The following ACSL1 variants were observed in gnomAD, a reference collection of about 807,000 sequenced individuals.
ACSL1 encodes the protein long-chain-fatty-acid--CoA ligase 1.
Under a neutral mutation model 98.4 loss-of-function variants are expected in ACSL1, and 41 were observed. The observed-to-expected ratio is 0.42, with a 90% CI of 0.32 to 0.54. ACSL1 has a LOEUF of 0.54. ACSL1 is among the 20% of genes least tolerant of loss of function. The pLI is 0.13. For synonymous variants in ACSL1, 316 were observed against 322.7 expected (o/e 0.98, Z 0.22); for missense variants, 734 against 883.1 (o/e 0.83, Z 2.14).
chr4:184,770,292 T>C (rs1218034985), intron 11 of ACSL1, 107 bp downstream of exon 11: 3 of 1,553,808 alleles, frequency 1.9e-6, no homozygotes, highest in Admixed American at 1.9e-5. Context: ...AAGTGGTAAA[T>C]ATGAAATGTG....
At chr4:184,783,059 C>T (rs1766597682) in intron 4 of ACSL1, among the ~76,000 whole-genome samples, 1 of 152,188 alleles carries the variant, frequency 6.6e-6, no homozygotes, top group Non-Finnish European at 1.5e-5. Flanking sequence ...GGGAGCCTTT[C>T]CTGGACAGCT....
chr4:184,819,627 G>A (rs1004222562), intron 1 of ACSL1, among the ~76,000 whole-genome samples: 2 of 152,010 alleles, frequency 1.3e-5, no homozygotes, highest in African/African-American at 4.8e-5. Flanking sequence ...ACCCCATGCC[G>A]CCAGAGTTTG....
At chr4:184,765,257 C>T (rs1763415240) in intron 14 of ACSL1, among the ~76,000 whole-genome samples, 1 of 152,232 alleles carries the variant, frequency 6.6e-6, no homozygotes, top group East Asian at 1.9e-4. Context: ...ATCCTCCTTT[C>T]TCCCTTTACT....
intron 1 of ACSL1, chr4:184,821,153 G>A: frequency 2.2e-6 from 1 of 455,990 alleles, no homozygotes; most frequent in Non-Finnish European, 4.4e-6. Context: ...TCACTGCTCT[G>A]TTCCTAAGCC....
At position 184,763,270 on chromosome 4, in the gene ACSL1, A is replaced by G; in HGVS notation, c.1433-15T>C. The G allele has an allele frequency of 6.2e-7, 1 of 1,611,612 alleles. No homozygotes were observed. Among genetic ancestry groups the G allele is most frequent in the Non-Finnish European group, 8.5e-7 (1 of 1,178,200 alleles). ...CCCAACATGGCCTGTATATTAAATA[A>G]GCAAATGGTCATTCCTAAGGGAACT... On this transcript the variant is annotated splice_polypyrimidine_tract_variant and intron_variant, in intron 15 of 20. Coordinates refer to ENST00000281455, the MANE Select transcript of ACSL1 (RefSeq NM_001995.5).
intron 1 of ACSL1, chr4:184,821,061 C>A (rs777898799): frequency 1.5e-4 from 68 of 456,172 alleles, no homozygotes; most frequent in Middle Eastern, 6.5e-4. Context: ...AGCAGCAGGA[C>A]CTACCTTACA....
chr4:184,763,413 G>A (rs1763136597), intron 15 of ACSL1, among the ~76,000 whole-genome samples, 158 bp from the exon 16 acceptor site: 1 of 152,186 alleles, frequency 6.6e-6, no homozygotes, highest in Admixed American at 6.5e-5. Flanking sequence ...TATAATTTAA[G>A]AGAGTCTATT....
chr4:184,786,011 A>AGTGTGT (rs562782543), intron 3 of ACSL1, among the ~76,000 whole-genome samples: 3 of 151,858 alleles, frequency 2.0e-5, no homozygotes, highest in African/African-American at 7.3e-5. Flanking sequence ...GAGCGGAGTG[A>AGTGTGT]GTGTGTGAGT....
intron 1 of ACSL1, among the ~76,000 whole-genome samples, chr4:184,819,035 AG>A (rs1387642538): frequency 2.0e-5 from 3 of 152,022 alleles, no homozygotes; most frequent in African/African-American, 7.2e-5. Flanking sequence ...TAGGTGAGGA[AG>A]GGGAGAGTCA....
At chr4:184,762,069 G>A (rs1762932207) in intron 17 of ACSL1, among the ~76,000 whole-genome samples, 1 of 151,864 alleles carries the variant, frequency 6.6e-6, no homozygotes, top group African/African-American at 2.4e-5. Flanking sequence ...GGAGGTTGCA[G>A]TGAGCCGAGA....
At position 184,803,428 on chromosome 4, in the gene ACSL1, C is replaced by G. The variant is rs755249538; in HGVS notation, c.87G>C (p.Thr29=). 6.2e-7 allele frequency: 1 copy of G among 1,613,990 alleles called. No homozygotes were observed. The highest frequency in any genetic ancestry group is 1.7e-5 in the Admixed American group (1 of 59,978). ...CTGCAAAAGCTCCGAAGCCCATAAGCGTGTTGGTCGGAAGAGTACGCACGT... is the reference window on the plus strand; with the variant it reads ...CTGCAAAAGCTCCGAAGCCCATAAGGGTGTTGGTCGGAAGAGTACGCACGT... ...RQYVRTLPTN[T]LMGFGAFAAL... The change falls in exon 2 of 21, where the codon ACG becomes ACC. Residue 29 remains threonine (T), a synonymous_variant. Transcript: ENST00000281455. This position sits in a 1 kb window ranked among gnomAD's most constrained non-coding sequence, Gnocchi z 4.8.
chr4:184,825,650 C>CCCCGCG lies in ACSL1; in HGVS notation c.-33+260_-33+265dup, dbSNP rs1252972543. 8.6e-5 allele frequency among the ~76,000 whole-genome samples: 13 copies of CCCCGCG among 150,302 alleles called. No homozygotes were observed. The highest frequency in any genetic ancestry group is 1.9e-4 in the East Asian group (1 of 5,150). ...GCGCGCATCCCCGGCCGCGCACCAG[C>CCCCGCG]CCCGCGCCCGCGCCGCCCGCGACTC... On this transcript the variant is annotated intron_variant, in intron 1 of 20. Coordinates refer to ENST00000281455, the MANE Select transcript of ACSL1 (RefSeq NM_001995.5). This position sits in a 1 kb window ranked among gnomAD's most constrained non-coding sequence, Gnocchi z 4.7.
At chr4:184,779,435 A>C (rs1213970836) in intron 5 of ACSL1, among the ~76,000 whole-genome samples, 4 of 152,144 alleles carry the variant, frequency 2.6e-5, no homozygotes, top group Non-Finnish European at 5.9e-5. Context: ...TTTTGTTCCC[A>C]GTCTCAGGTA....
intron 2 of ACSL1, among the ~76,000 whole-genome samples, chr4:184,797,586 C>G (rs1769655776): frequency 6.6e-6 from 1 of 152,190 alleles, no homozygotes; most frequent in South Asian, 2.1e-4. Flanking sequence ...GTAAACCATG[C>G]TGTTGATTGA....
In ACSL1 at chr4:184,777,017, A is replaced by G. The variant is rs370515032; in HGVS notation, c.478-34T>C. On this transcript the variant is annotated intron_variant, in intron 5 of 20. Coordinates refer to ENST00000281455, the MANE Select transcript of ACSL1 (RefSeq NM_001995.5). The stretch of plus-strand genomic sequence containing the variant: ...ACAGTAAAGGTCAGGGAGAGAAAAC[A>G]GGATGTCATCATGTAATCAATAAGG... 8.9e-4 allele frequency: 1,392 copies of G among 1,569,360 alleles called. 3 individuals carry two copies. Among genetic ancestry groups the G allele is most frequent in the Non-Finnish European group, 1.2e-3 (1,345 of 1,140,376 alleles).
intron 7 of ACSL1, among the ~76,000 whole-genome samples, chr4:184,775,676 C>T (rs1765183083): frequency 6.6e-6 from 1 of 152,166 alleles, no homozygotes; most frequent in South Asian, 2.1e-4. Context: ...AAAGGTTCTA[C>T]AGATCCTTAC....
rs1764772362 is a variant in ACSL1 at position 184,773,257 on chromosome 4, T to C, written c.842-103A>G. 3.9e-6 allele frequency: 4 copies of C among 1,033,844 alleles called. No individual in the cohort carries two copies. The highest frequency in any genetic ancestry group is 2.5e-5 in the East Asian group (1 of 40,614). The allele number at this position is 1,033,844 out of a possible 1,614,324, so 64.0% of individuals were successfully genotyped here. On this transcript the variant is annotated intron_variant, in intron 9 of 20. Coordinates refer to ENST00000281455, the MANE Select transcript of ACSL1 (RefSeq NM_001995.5). The surrounding 1 kb of genome is among the most constrained non-coding windows in gnomAD (Gnocchi z 4.3). Reference sequence around the variant, plus strand: ...GGCTTCAGACACCTCTACTGTTAGATATATCGTGAAAACCAAATGTTGAAC... The same window carrying C: ...GGCTTCAGACACCTCTACTGTTAGACATATCGTGAAAACCAAATGTTGAAC...
At chr4:184,759,518 G>A (rs1331290377) in intron 18 of ACSL1, among the ~76,000 whole-genome samples, 1 of 152,152 alleles carries the variant, frequency 6.6e-6, no homozygotes, top group East Asian at 1.9e-4. Context: ...CAAAAAGTGG[G>A]TAGAGGATAT....
At chr4:184,796,311 G>A (rs1240295026) in intron 2 of ACSL1, among the ~76,000 whole-genome samples, 2 of 152,142 alleles carry the variant, frequency 1.3e-5, no homozygotes, top group Admixed American at 6.5e-5. Flanking sequence ...TTTTGATGGT[G>A]TGAGTTAATG....
Sources: allele counts gnomAD v4.1 joint callset (sites outside exome capture counted in the v4.1 genomes callset), GRCh38; gene constraint gnomAD v4.1.1; non-coding constraint Gnocchi (gnomAD v3.1); transcripts MANE v1.5; gene names NCBI Gene and HGNC (gene_info 2026-07-23, HGNC 2026-07-21).